SH3PXD2A: variants seen among roughly 807,000 people sequenced by gnomAD.
The protein encoded by SH3PXD2A is SH3 and PX domain-containing protein 2A.
SH3PXD2A carries 32 observed loss-of-function variants against 115.2 expected under a neutral mutation model. The ratio of observed to expected loss-of-function variants is 0.28; its 90% confidence interval spans 0.21 to 0.37. SH3PXD2A has a LOEUF of 0.37. SH3PXD2A is among the 10% of genes least tolerant of loss of function. The pLI, the probability that SH3PXD2A is intolerant of heterozygous loss-of-function variation, is 1.00. For missense variants in SH3PXD2A, 1,328 were observed against 1,498.7 expected, an observed-to-expected ratio of 0.89 and a Z score of 1.88; for synonymous variants, 610 against 629.1, an observed-to-expected ratio of 0.97 and a Z score of 0.45.
intron 12 of SH3PXD2A, 104 bp from the exon 13 acceptor site, chr10:103,611,734 T>G: frequency 1.1e-6 from 1 of 913,300 alleles, no homozygotes; most frequent in South Asian, 1.3e-5. Context: ...TTCAAGTTCA[T>G]GCTTTAGCTC....
rs201915140 is a variant in SH3PXD2A at position 103,632,993 on chromosome 10, T to TC, written c.605-5792dup. Reference sequence around the variant, plus strand: ...GTCTCAGAAACAAAAAGAACAAACCTCCCCCCGGCCAAAAAAAACCAAAAA... The same window carrying TC: ...GTCTCAGAAACAAAAAGAACAAACCTCCCCCCCGGCCAAAAAAAACCAAAAA... On this transcript the variant is annotated intron_variant, in intron 8 of 14. Coordinates refer to ENST00000369774, the MANE Select transcript of SH3PXD2A (RefSeq NM_001394015.1). Among the ~76,000 whole-genome samples, 638 of 142,246 alleles carry TC rather than the reference T, an allele frequency of 4.5e-3. 19 individuals are homozygous for TC. The highest frequency in any genetic ancestry group is 0.04 in the Admixed American group (570 of 14,350). 93.3% of individuals were successfully genotyped at this position (142,246 alleles called of 152,430 possible).
chr10:103,667,685 A>G (rs2037401561), intron 7 of SH3PXD2A, among the ~76,000 whole-genome samples: 1 of 150,396 alleles, frequency 6.6e-6, no homozygotes, highest in South Asian at 2.1e-4. Flanking sequence ...CAGCCCCACC[A>G]CCCCACTCAG....
chr10:103,742,304 G>A (rs888017794), intron 3 of SH3PXD2A, among the ~76,000 whole-genome samples: 26 of 152,144 alleles, frequency 1.7e-4, no homozygotes, highest in African/African-American at 3.6e-4. Context: ...CTCTTGGCTC[G>A]TGGCAGCATC....
Position 103,603,381 on chromosome 10 carries a change from C to G in SH3PXD2A, c.1837G>C (p.Ala613Pro). 1 of 1,614,168 alleles carries G rather than the reference C, an allele frequency of 6.2e-7. No individual in the cohort carries two copies. Among genetic ancestry groups the G allele is most frequent in the Non-Finnish European group, 8.5e-7 (1 of 1,180,016 alleles). The stretch of plus-strand genomic sequence containing the variant: ...TCATAGATGGTCTCCTCTTCCAGGG[C>G]CACATCCTCTGAAGACTCACCCACC... ...FKVGESSEDV[A>P]LEEETIYENE... is the part of the protein sequence containing the mutation. The change falls in exon 15 of 15, where the codon GCC becomes CCC. Residue 613 changes from alanine to proline, a missense_variant. Ala to Pro is a conservative substitution (Grantham distance 27). Around this residue, in one of 5 missense-constraint regions of SH3PXD2A, gnomAD observed 509 missense variants for 628.3 expected, o/e 0.81. Coordinates refer to ENST00000369774, the MANE Select transcript of SH3PXD2A (RefSeq NM_001394015.1).
rs2036708307 is a variant in SH3PXD2A, at chr10:103,627,021, GGAAA to G, written c.718+64_718+67del. The G allele has an allele frequency of 3.5e-6, 3 of 850,980 alleles. No individual in the cohort carries two copies. In the South Asian group the frequency reaches 4.2e-5, roughly 12 times the overall value. 52.7% of individuals were successfully genotyped at this position (850,980 alleles called of 1,614,324 possible). A position where few individuals can be genotyped will look rare whatever the true frequency, so the allele number is the denominator to read the frequency against. ...ACTTTAGGGGTTCTGTTGGTTCTAG[GGAAA>G]GAGTGAGAGAGCTGCCTCCAGAGGC... On this transcript the variant is annotated intron_variant, in intron 9 of 14. Transcript: ENST00000369774. The surrounding 1 kb of genome is among the most constrained non-coding windows in gnomAD (Gnocchi z 4.4).
chr10:103,758,624 G>T (rs981674984), intron 3 of SH3PXD2A, among the ~76,000 whole-genome samples: 3 of 152,220 alleles, frequency 2.0e-5, no homozygotes, highest in African/African-American at 7.2e-5. Flanking sequence ...GCTATTCCAC[G>T]CTGTGTTCAG....
At chr10:103,727,152 G>A (rs1340257036) in intron 4 of SH3PXD2A, among the ~76,000 whole-genome samples, 1 of 152,150 alleles carries the variant, frequency 6.6e-6, no homozygotes, top group Non-Finnish European at 1.5e-5. Flanking sequence ...CCTGGAGGTA[G>A]ACATCATTGC....
chr10:103,757,383 A>G (rs1442527743), intron 3 of SH3PXD2A, among the ~76,000 whole-genome samples: 6 of 152,192 alleles, frequency 3.9e-5, no homozygotes, highest in African/African-American at 1.4e-4. Flanking sequence ...CTTAGATGAC[A>G]CAGACTGACT....
chr10:103,745,164 G>C (rs1409858358), intron 3 of SH3PXD2A, among the ~76,000 whole-genome samples: 2 of 152,216 alleles, frequency 1.3e-5, no homozygotes, highest in Admixed American at 6.5e-5. Context: ...GCATCTTTAT[G>C]TATCTCTGTT....
intron 3 of SH3PXD2A, among the ~76,000 whole-genome samples, chr10:103,739,880 G>A (rs866262393): frequency 2.3e-4 from 35 of 152,318 alleles, no homozygotes; most frequent in African/African-American, 8.4e-4. Context: ...TGAGACCAGC[G>A]AAGGAGTGGG....
At chr10:103,807,969 C>G (rs1442952164) in intron 1 of SH3PXD2A, among the ~76,000 whole-genome samples, 1 of 152,194 alleles carries the variant, frequency 6.6e-6, no homozygotes, top group Non-Finnish European at 1.5e-5. Context: ...ATGCTGCCAG[C>G]CCGTCTAAGG....
chr10:103,830,343 G>C (rs150239469), intron 1 of SH3PXD2A, among the ~76,000 whole-genome samples: 10 of 152,148 alleles, frequency 6.6e-5, no homozygotes, highest in African/African-American at 2.2e-4. Flanking sequence ...AGGCTGAATC[G>C]GTCCTTAGGG....
chr10:103,749,941 C>T (rs993977315), intron 3 of SH3PXD2A: 3 of 152,218 alleles, frequency 2.0e-5, no homozygotes, highest in Admixed American at 6.5e-5. Context: ...TAACTGCAGT[C>T]AAGCCTTCAG....
intron 5 of SH3PXD2A, among the ~76,000 whole-genome samples, chr10:103,699,253 G>A (rs1026672866): frequency 3.9e-5 from 6 of 152,204 alleles, no homozygotes; most frequent in African/African-American, 1.4e-4. Flanking sequence ...GACAGGCAGT[G>A]ACCCATTAGT....
chr10:103,842,400 C>T (rs984227850), intron 1 of SH3PXD2A, among the ~76,000 whole-genome samples: 1 of 152,168 alleles, frequency 6.6e-6, no homozygotes, highest in Admixed American at 6.5e-5. Context: ...TTTATTTGTA[C>T]TGGGAACATT....
intron 2 of SH3PXD2A, among the ~76,000 whole-genome samples, chr10:103,782,937 G>GCA (rs1184220234): frequency 2.9e-5 from 4 of 140,274 alleles, no homozygotes; most frequent in African/African-American, 9.0e-5. Flanking sequence ...ATGCCTTGGG[G>GCA]GGGGGGGCTC....
At chr10:103,661,805 G>T (rs527833225) in intron 7 of SH3PXD2A, 4 of 985,374 alleles carry the variant, frequency 4.1e-6, no homozygotes, top group Admixed American at 1.2e-4. Flanking sequence ...CCCGTCGAAT[G>T]AGGAGCCGGG....
intron 14 of SH3PXD2A, among the ~76,000 whole-genome samples, chr10:103,604,162 C>T (rs929853528): frequency 7.2e-5 from 11 of 152,200 alleles, no homozygotes; most frequent in African/African-American, 2.7e-4. Context: ...TTCTGCTGCC[C>T]CTTCCCTCCT....
chr10:103,674,485 A>G lies in SH3PXD2A; in HGVS notation c.428-5833T>C, dbSNP rs577522887. ...AAAGCCACGTGAATGTCATCTGGGA[A>G]AAACACGGATGGCCAATTCGTAATT... On this transcript the variant is annotated intron_variant, in intron 6 of 14. Transcript: ENST00000369774. Among the ~76,000 whole-genome samples, 7 of 152,342 alleles carry G rather than the reference A, an allele frequency of 4.6e-5. No individual in the cohort carries two copies. The East Asian group carries it at 1.2e-3, about 25-fold the overall frequency.
Sources: allele counts gnomAD v4.1 joint callset (sites outside exome capture counted in the v4.1 genomes callset), GRCh38; gene constraint gnomAD v4.1.1; regional missense constraint gnomAD v4.1.1; non-coding constraint Gnocchi (gnomAD v3.1); transcripts MANE v1.5; gene names NCBI Gene and HGNC (gene_info 2026-07-23, HGNC 2026-07-21).